The following SLIT3 variants were observed in gnomAD, a reference collection of about 807,000 sequenced individuals.
SLIT3 encodes the protein slit guidance ligand 3.
A neutral mutation model predicts 184.0 loss-of-function variants in SLIT3; 68 were observed. The observed-to-expected ratio is 0.37, with a 90% CI of 0.30 to 0.45. The LOEUF (loss-of-function observed/expected upper bound fraction) is 0.45, where lower values mean the gene tolerates loss of function less well. SLIT3 is among the 20% of genes least tolerant of loss of function. The pLI is 1.00. For synonymous variants in SLIT3, 831 were observed against 828.6 expected, an observed-to-expected ratio of 1.00 and a Z score of -0.05; for missense variants, 1,707 against 2,026.0, an observed-to-expected ratio of 0.84 and a Z score of 3.02.
chr5:169,155,452 G>C (rs1022642584), intron 4 of SLIT3, among the ~76,000 whole-genome samples: 1 of 152,100 alleles, frequency 6.6e-6, no homozygotes, highest in Non-Finnish European at 1.5e-5. Flanking sequence ...GCTGCTAAAG[G>C]TATAAACCTT....
intron 4 of SLIT3, chr5:169,025,105 A>C (rs909550858): frequency 6.6e-6 from 1 of 152,258 alleles, no homozygotes; most frequent in Admixed American, 6.5e-5. Flanking sequence ...TTCGCTAATA[A>C]GCACGACCCA....
rs769251624 is a variant in SLIT3, at chr5:168,684,049, A to T, written c.3603T>A (p.Asn1201Lys). The T allele has an allele frequency of 6.2e-7, 1 of 1,607,658 alleles. No individual in the cohort carries two copies. The highest frequency in any genetic ancestry group is 1.3e-5 in the African/African-American group (1 of 74,610). The change falls in exon 32 of 36, where the codon AAT becomes AAA. Residue 1201 changes from asparagine to lysine, a missense_variant. This residue lies in a region of SLIT3 where 387 missense variants were observed against 477.9 expected (regional missense o/e 0.81). Coordinates refer to ENST00000519560, the MANE Select transcript of SLIT3 (RefSeq NM_003062.4). ...GGTACAGCTCCAGTGCCAGGGGGTC[A>T]TTGTCTCCTTTGTAGAGAAGGATGC... ...DNGILLYKGD[N>K]DPLALELYQG...
chr5:169,171,389 T>C (rs1762814337), intron 4 of SLIT3, among the ~76,000 whole-genome samples: 1 of 152,164 alleles, frequency 6.6e-6, no homozygotes, highest in African/African-American at 2.4e-5. Context: ...AGCAAAAGTG[T>C]AGAGCAGCAA....
chr5:169,299,441 C>A (rs1767610604), intron 1 of SLIT3, among the ~76,000 whole-genome samples: 1 of 152,096 alleles, frequency 6.6e-6, no homozygotes, highest in South Asian at 2.1e-4. Flanking sequence ...CAGGCGCCTA[C>A]CCCTAAGGCA....
intron 4 of SLIT3, among the ~76,000 whole-genome samples, chr5:168,905,178 A>G (rs1761006320): frequency 8.7e-6 from 1 of 115,456 alleles, no homozygotes; most frequent in Non-Finnish European, 1.9e-5. Context: ...TCCATCTCCA[A>G]AAAAAAGAAA....
At chr5:169,080,002 A>G (rs1758958552) in intron 4 of SLIT3, among the ~76,000 whole-genome samples, 1 of 151,950 alleles carries the variant, frequency 6.6e-6, no homozygotes, top group Non-Finnish European at 1.5e-5. Context: ...AATTGGTAAG[A>G]AAGACTTTAT....
chr5:168,709,754 A>T (rs1762491448), intron 25 of SLIT3, among the ~76,000 whole-genome samples: 1 of 152,216 alleles, frequency 6.6e-6, no homozygotes, highest in African/African-American at 2.4e-5. Flanking sequence ...ATTATCAAAC[A>T]ACTGTGTATA....
intron 16 of SLIT3, 95 bp downstream of exon 16, chr5:168,760,767 C>T: frequency 2.2e-6 from 2 of 891,236 alleles, no homozygotes; most frequent in Non-Finnish European, 3.7e-6. Context: ...GGAGCAGAGG[C>T]TGGGGGAGAG....
chr5:168,786,158 G>A (rs190424680), intron 11 of SLIT3, among the ~76,000 whole-genome samples, 180 bp from the exon 12 acceptor site: 1 of 152,314 alleles, frequency 6.6e-6, no homozygotes, highest in African/African-American at 2.4e-5. Context: ...GCCAGGGGCT[G>A]GAAGGGCAGG....
chr5:168,806,258 G>C (rs1004763531), intron 9 of SLIT3, among the ~76,000 whole-genome samples, 188 bp downstream of exon 9: 1 of 152,200 alleles, frequency 6.6e-6, no homozygotes. Flanking sequence ...CTGATCTCGA[G>C]TCTATGCTCT....
At chr5:169,021,154 C>CA (rs1191272702) in intron 4 of SLIT3, among the ~76,000 whole-genome samples, 32 of 152,260 alleles carry the variant, frequency 2.1e-4, no homozygotes, top group African/African-American at 7.5e-4. Context: ...TAGATGTCTA[C>CA]ACCCTGGAAT....
chr5:168,984,996 C>T (rs915459600), intron 4 of SLIT3, among the ~76,000 whole-genome samples: 1 of 152,042 alleles, frequency 6.6e-6, no homozygotes, highest in African/African-American at 2.4e-5. Context: ...GAGAGAAATG[C>T]TAAGAGGAAA....
At chr5:168,939,751 G>A (rs563806791) in intron 4 of SLIT3, among the ~76,000 whole-genome samples, 1 of 152,292 alleles carries the variant, frequency 6.6e-6, no homozygotes, top group African/African-American at 2.4e-5. Context: ...ACATGAAATG[G>A]AAAGCAACAT....
intron 4 of SLIT3, among the ~76,000 whole-genome samples, chr5:169,134,951 ACTATATATCC>A (rs1442707236): frequency 2.0e-5 from 3 of 152,212 alleles, no homozygotes; most frequent in East Asian, 3.9e-4. Context: ...CTTGCTCACC[ACTATATATCC>A]AGTGTCCAAA....
rs545078568 is a variant in SLIT3 at position 169,212,641 on chromosome 5, G to T, written c.342-19091C>A. Among the ~76,000 whole-genome samples the T allele has an allele frequency of 2.0e-5, 3 of 152,190 alleles. No individual in the cohort carries two copies. The South Asian group carries it at 6.2e-4, about 32-fold the overall frequency. On this transcript the variant is annotated intron_variant, in intron 3 of 35. Transcript: ENST00000519560. ...TAATTAGATCCCATTTGTCAATTTT[G>T]GCTTTTGTTGCCATTGCTTTAGACA...
intron 3 of SLIT3, among the ~76,000 whole-genome samples, chr5:169,200,104 A>G (rs1279435598): frequency 1.3e-5 from 2 of 152,182 alleles, no homozygotes; most frequent in Non-Finnish European, 2.9e-5. Flanking sequence ...AGAGGTATCA[A>G]CCTCACTGAC....
chr5:169,176,393 AT>A (rs1182603958), intron 4 of SLIT3, among the ~76,000 whole-genome samples: 1 of 152,110 alleles, frequency 6.6e-6, no homozygotes, highest in African/African-American at 2.4e-5. Flanking sequence ...CAGAGTCTCG[AT>A]TTTCTCTTCC....
intron 4 of SLIT3, among the ~76,000 whole-genome samples, chr5:169,000,763 T>G (rs1755677108): frequency 1.3e-5 from 2 of 152,218 alleles, no homozygotes; most frequent in Admixed American, 1.3e-4. Context: ...ATTAGAGCTC[T>G]GAGCATACAG....
Position 169,156,752 on chromosome 5 carries a change from A to G in SLIT3, c.413+36727T>C, listed in dbSNP as rs766195680. ...ATAAAAAGCTATCTAGAGGACTTCT[A>G]CTTATGGAAAGATGGCGTAGATGTG... On this transcript the variant is annotated intron_variant, in intron 4 of 35. Transcript: ENST00000519560. Among the ~76,000 whole-genome samples, 151 of 152,230 alleles carry G rather than the reference A, an allele frequency of 9.9e-4. 4 individuals carry two copies. The highest frequency in any genetic ancestry group is 2.9e-4 in the Non-Finnish European group (20 of 68,040).
Sources: allele counts gnomAD v4.1 joint callset (sites outside exome capture counted in the v4.1 genomes callset), GRCh38; gene constraint gnomAD v4.1.1; regional missense constraint gnomAD v4.1.1; transcripts MANE v1.5; gene names NCBI Gene and HGNC (gene_info 2026-07-23, HGNC 2026-07-21).